NCF2: variants seen among roughly 807,000 people sequenced by gnomAD.
NCF2 encodes the protein neutrophil cytosolic factor 2, also known as neutrophil cytosol factor 2.
NCF2 carries 45 observed loss-of-function variants against 70.9 expected under a neutral mutation model. The ratio of observed to expected loss-of-function variants is 0.63; its 90% CI spans 0.50 to 0.81. The LOEUF is 0.81. Ranked by LOEUF, NCF2 falls within the 40% of genes least tolerant of loss-of-function variation. The pLI is 0.00. For synonymous variants in NCF2, 203 were observed against 233.6 expected (o/e 0.87, Z 1.19); for missense variants, 522 against 631.6 (o/e 0.83, Z 1.86).
chr1:183,581,574 C>T (rs970996599), intron 2 of NCF2, among the ~76,000 whole-genome samples: 3 of 151,906 alleles, frequency 2.0e-5, no homozygotes, highest in African/African-American at 7.2e-5. Context: ...AGCAATCCTC[C>T]CACCTCAGCC....
At chr1:183,566,744 T>C (rs1470655517) in intron 9 of NCF2, among the ~76,000 whole-genome samples, 176 bp downstream of exon 9, 1 of 152,234 alleles carries the variant, frequency 6.6e-6, no homozygotes, top group Non-Finnish European at 1.5e-5. Flanking sequence ...TGGGCTTTTT[T>C]CCCCTCATTC....
At chr1:183,573,402 A>C in intron 4 of NCF2, 110 bp from the exon 5 acceptor site, 2 of 1,044,724 alleles carry the variant, frequency 1.9e-6, no homozygotes, top group Non-Finnish European at 3.0e-6. Flanking sequence ...ACCACATAGA[A>C]GCCCTTTTCC....
At chr1:183,598,616 G>A in the NCF2 span, among the ~76,000 whole-genome samples, 1,882 of 152,220 alleles carry the variant, frequency 0.012, 40 homozygotes, top group African/African-American at 0.043. Flanking sequence ...CAGCACAAAG[G>A]TCTTTTTAGT....
In NCF2 at chr1:183,556,011, A is replaced by ACTT; in HGVS notation, c.*104_*106dup. 2 of 931,524 alleles carry ACTT rather than the reference A, an allele frequency of 2.1e-6. No individual in the cohort carries two copies. The highest frequency in any genetic ancestry group is 3.5e-6 in the Non-Finnish European group (2 of 573,116). The allele number at this position is 931,524 out of a possible 1,614,324, so 57.7% of individuals were successfully genotyped here. A position where few individuals can be genotyped will look rare whatever the true frequency, so the allele number is the denominator to read the frequency against. On this transcript the variant is annotated 3_prime_UTR_variant, in exon 15 of 15. Transcript: ENST00000367535. The stretch of plus-strand genomic sequence containing the variant: ...TTTTAACAGGGAATAAATAGTTAAC[A>ACTT]CTTCCAAACTGTAATGTCTCAGTAC...
At chr1:183,563,784 CTGAG>C (rs1002514002) in intron 11 of NCF2, 199 bp from the exon 12 acceptor site, 9 of 811,112 alleles carry the variant, frequency 1.1e-5, no homozygotes, top group Non-Finnish European at 1.8e-5. Context: ...GGAATTCCTA[CTGAG>C]TAAGATCTGG....
chr1:183,568,792 T>C (rs943626899), intron 7 of NCF2, among the ~76,000 whole-genome samples: 1 of 151,616 alleles, frequency 6.6e-6, no homozygotes, highest in Non-Finnish European at 1.5e-5. Context: ...GTAGCTATGT[T>C]CCACAGAACA....
intron 10 of NCF2, among the ~76,000 whole-genome samples, chr1:183,565,375 G>A (rs1386374315): frequency 6.6e-6 from 1 of 152,172 alleles, no homozygotes; most frequent in Non-Finnish European, 1.5e-5. Flanking sequence ...GAGATAAGCA[G>A]GTATAGTTAC....
At position 183,563,189 on chromosome 1, in the gene NCF2, A is replaced by T. The variant is rs781765998; in HGVS notation, c.1290+6T>A. 6.2e-7 allele frequency: 1 copy of T among 1,613,138 alleles called. No individual in the cohort carries two copies. The highest frequency in any genetic ancestry group is 2.2e-5 in the East Asian group (1 of 44,880). ...TGTAACTTTAGATGCCCCTCATTGC[A>T]CTCACCACTGTGTTCTCACACCACA... is the stretch of plus-strand genomic sequence containing the variant. On this transcript the variant is annotated splice_donor_region_variant and intron_variant, in intron 13 of 14. Transcript: ENST00000367535.
chr1:183,563,783 A>G lies in NCF2; in HGVS notation c.1027-198T>C, dbSNP rs1672185150. 8 of 808,450 alleles carry G rather than the reference A, an allele frequency of 9.9e-6. No individual in the cohort carries two copies. In the Admixed American group the frequency reaches 1.5e-4, roughly 15 times the overall value. 50.1% of individuals were successfully genotyped at this position (808,450 alleles called of 1,614,324 possible). A position where few individuals can be genotyped will look rare whatever the true frequency, so the allele number is the denominator to read the frequency against. On this transcript the variant is annotated intron_variant, in intron 11 of 14. Transcript: ENST00000367535. The stretch of plus-strand genomic sequence containing the variant: ...AACCCTTGCTTGGACAGGAATTCCT[A>G]CTGAGTAAGATCTGGCCCACTAGCT...
At chr1:183,599,433 T>TCTTTCTTTCTTTCTTTCTTTCTTTC in the NCF2 span, among the ~76,000 whole-genome samples, 1 of 92,354 alleles carries the variant, frequency 1.1e-5, no homozygotes, top group African/African-American at 3.7e-5. Flanking sequence ...CTTCTTTCTT[T>TCTTTCTTTCTTTCTTTCTTTCTTTC]CTTTCTTTCT....
chr1:183,599,470 C>CTTTCTTTCTTTCTTTCTTTCTT, the NCF2 span, among the ~76,000 whole-genome samples: 1 of 137,152 alleles, frequency 7.3e-6, no homozygotes, highest in Non-Finnish European at 1.6e-5. Flanking sequence ...TTCTTTCTTT[C>CTTTCTTTCTTTCTTTCTTTCTT]TTTCTTTCTT....
At chr1:183,599,407 T>A in the NCF2 span, among the ~76,000 whole-genome samples, 2 of 134,486 alleles carry the variant, frequency 1.5e-5, no homozygotes, top group Non-Finnish European at 3.2e-5. Context: ...CCTCTTTTTC[T>A]TTCTTTCTTT....
chr1:183,556,475 C>CAGAT (rs528899248), intron 14 of NCF2, among the ~76,000 whole-genome samples: 40 of 152,232 alleles, frequency 2.6e-4, no homozygotes, highest in African/African-American at 8.2e-4. Flanking sequence ...AAAAAGTTAC[C>CAGAT]AGATAGAGAA....
At chr1:183,582,530 T>C (rs1673163609) in intron 2 of NCF2, among the ~76,000 whole-genome samples, 1 of 152,222 alleles carries the variant, frequency 6.6e-6, no homozygotes, top group Admixed American at 6.5e-5. Flanking sequence ...CTTGTTCCCA[T>C]GCTGCCAGTG....
intron 6 of NCF2, 89 bp downstream of exon 6, chr1:183,570,691 G>T (rs1672503109): frequency 2.9e-6 from 4 of 1,379,618 alleles, no homozygotes; most frequent in Non-Finnish European, 4.1e-6. Flanking sequence ...TTACAATCAG[G>T]CAACTCAGCA....
At chr1:183,587,546 A>G (rs1673414099) in intron 1 of NCF2, among the ~76,000 whole-genome samples, 1 of 137,604 alleles carries the variant, frequency 7.3e-6, no homozygotes, top group Admixed American at 8.1e-5. Context: ...GTGAGCTGTG[A>G]CGGCACCACT....
At chr1:183,587,512 C>T (rs1337037928) in intron 1 of NCF2, among the ~76,000 whole-genome samples, 1 of 145,744 alleles carries the variant, frequency 6.9e-6, no homozygotes, top group African/African-American at 2.5e-5. Context: ...GTCAATCGCT[C>T]AAGCCCAGGA....
chr1:183,593,061 C>T (rs1297924388), upstream of NCF2, among the ~76,000 whole-genome samples: 1 of 152,194 alleles, frequency 6.6e-6, no homozygotes, highest in Non-Finnish European at 1.5e-5. Context: ...GCCTTCTGAA[C>T]TCCTGCATCT....
chr1:183,577,982 A>G (rs1175833585), intron 2 of NCF2, among the ~76,000 whole-genome samples: 1 of 152,168 alleles, frequency 6.6e-6, no homozygotes, highest in Admixed American at 6.5e-5. Flanking sequence ...ACTGCATACA[A>G]CTGTCACCTT....
Sources: gnomAD v4.1 joint callset for allele counts (sites outside exome capture counted in the v4.1 genomes callset) on GRCh38, gnomAD v4.1.1 for gene constraint, MANE v1.5 for transcripts, NCBI Gene and HGNC (gene_info 2026-07-23, HGNC 2026-07-21) for gene names.